The following PDE8B variants were observed in gnomAD, a reference collection of about 807,000 sequenced individuals.
The protein encoded by PDE8B is high affinity cAMP-specific and IBMX-insensitive 3',5'-cyclic phosphodiesterase 8B.
PDE8B carries 26 observed loss-of-function variants against 101.3 expected under a neutral mutation model. That is an observed-to-expected ratio of 0.26 (90% confidence interval 0.19 to 0.36). The LOEUF is 0.36. PDE8B is among the 10% of genes least tolerant of loss of function. The pLI, the probability that PDE8B is intolerant of heterozygous loss-of-function variation, is 1.00. For synonymous variants in PDE8B, 424 were observed against 429.3 expected (o/e 0.99, Z 0.15); for missense variants, 810 against 1,163.1 (o/e 0.70, Z 4.42).
intron 1 of PDE8B, among the ~76,000 whole-genome samples, chr5:77,287,828 G>A (rs1210382321): frequency 6.6e-6 from 1 of 151,934 alleles, no homozygotes; most frequent in Non-Finnish European, 1.5e-5. Context: ...ATGTTTTCTA[G>A]TTCTTTGTCA....
the PDE8B span, among the ~76,000 whole-genome samples, chr5:77,163,217 A>C: frequency 6.6e-6 from 1 of 152,234 alleles, no homozygotes; most frequent in Non-Finnish European, 1.5e-5. Flanking sequence ...ACACAGCAAT[A>C]CAAGATGAGA....
rs150086759 is a variant in PDE8B, at chr5:77,306,511, T to C, written c.340-5483T>C. 2.1e-3 allele frequency among the ~76,000 whole-genome samples: 319 copies of C among 152,242 alleles called. 1 individual carries two copies. The highest frequency in any genetic ancestry group is 3.3e-3 in the Non-Finnish European group (223 of 68,006). On this transcript the variant is annotated intron_variant, in intron 1 of 21. Coordinates refer to ENST00000264917, the MANE Select transcript of PDE8B (RefSeq NM_003719.5). Reference sequence around the variant, plus strand: ...ATCACTGGTTCTTCTTTGGGTGAAGTTGGACTTGAACCATTGTCAGAGGGC... The same window carrying C: ...ATCACTGGTTCTTCTTTGGGTGAAGCTGGACTTGAACCATTGTCAGAGGGC...
chr5:77,125,793 G>A, the PDE8B span, among the ~76,000 whole-genome samples: 2,025 of 152,216 alleles, frequency 0.013, 50 homozygotes, highest in African/African-American at 0.045. Context: ...AGGTTTCCAG[G>A]GTCTGGGGGA....
chr5:77,194,331 A>G, the PDE8B span, among the ~76,000 whole-genome samples: 6 of 152,206 alleles, frequency 3.9e-5, no homozygotes, highest in Non-Finnish European at 7.3e-5. Flanking sequence ...GTAAATAAGA[A>G]GTGAATTGTC....
At chr5:77,257,426 A>G (rs1162359507) in intron 1 of PDE8B, among the ~76,000 whole-genome samples, 3 of 152,204 alleles carry the variant, frequency 2.0e-5, no homozygotes, top group Non-Finnish European at 1.5e-5. Context: ...GGCTATTTTC[A>G]TTAATATTAA....
At chr5:77,272,653 A>G (rs1040251458) in intron 1 of PDE8B, among the ~76,000 whole-genome samples, 86 of 152,188 alleles carry the variant, frequency 5.7e-4, no homozygotes, top group African/African-American at 2.0e-3. Context: ...AGGACTTAGC[A>G]TGGTACCTGG....
intron 10 of PDE8B, among the ~76,000 whole-genome samples, chr5:77,397,949 C>T (rs1791425265): frequency 6.6e-6 from 1 of 151,644 alleles, no homozygotes; most frequent in South Asian, 2.1e-4. Context: ...TGAGATAACA[C>T]AATACAAAAG....
chr5:77,373,870 A>G (rs554207135), intron 10 of PDE8B, among the ~76,000 whole-genome samples: 1 of 152,026 alleles, frequency 6.6e-6, no homozygotes, highest in South Asian at 2.1e-4. Flanking sequence ...TTTTTTTGAG[A>G]CGGAGTTTTG....
chr5:77,119,807 C>T, the PDE8B span, among the ~76,000 whole-genome samples: 38 of 151,996 alleles, frequency 2.5e-4, no homozygotes, highest in Middle Eastern at 6.8e-3. Flanking sequence ...GCCAGGAGTT[C>T]GAGACCAGCC....
the PDE8B span, among the ~76,000 whole-genome samples, chr5:77,184,338 A>G: frequency 6.6e-6 from 1 of 152,188 alleles, no homozygotes; most frequent in African/African-American, 2.4e-5. Flanking sequence ...TTGGGGTCCA[A>G]TTCTTCCACT....
chr5:77,348,612 A>G (rs1780552045), intron 7 of PDE8B, among the ~76,000 whole-genome samples: 1 of 152,326 alleles, frequency 6.6e-6, no homozygotes, highest in East Asian at 1.9e-4. Context: ...ATTGGAAAGG[A>G]GACATGAGAA....
intron 1 of PDE8B, among the ~76,000 whole-genome samples, chr5:77,275,928 A>G (rs561485399): frequency 6.6e-6 from 1 of 152,342 alleles, no homozygotes; most frequent in South Asian, 2.1e-4. Flanking sequence ...ATAAATATCT[A>G]TACTGTTGTG....
chr5:77,372,731 T>A, intron 10 of PDE8B, among the ~76,000 whole-genome samples: 1 of 152,320 alleles, frequency 6.6e-6, no homozygotes, highest in African/African-American at 2.4e-5. Flanking sequence ...CCTCTCATCA[T>A]CCTTTTAATG....
the PDE8B span, among the ~76,000 whole-genome samples, chr5:77,177,005 T>C: frequency 6.6e-6 from 1 of 152,144 alleles, no homozygotes; most frequent in Admixed American, 6.5e-5. Context: ...TTGCTTCAGT[T>C]CCCTTTCCTT....
intron 13 of PDE8B, 39 bp from the exon 14 acceptor site, chr5:77,408,854 C>G (rs752589948): frequency 3.9e-6 from 6 of 1,542,016 alleles, no homozygotes; most frequent in South Asian, 2.2e-5. Context: ...GAAGTAGAAC[C>G]CTATTATCCT....
the PDE8B span, among the ~76,000 whole-genome samples, chr5:77,188,033 A>G: frequency 6.6e-6 from 1 of 152,218 alleles, no homozygotes; most frequent in Non-Finnish European, 1.5e-5. Context: ...TGACTTCTCT[A>G]GGGTTTTAGC....
chr5:77,355,282 C>T (rs1236909204), intron 10 of PDE8B, among the ~76,000 whole-genome samples: 2 of 152,226 alleles, frequency 1.3e-5, no homozygotes, highest in Non-Finnish European at 2.9e-5. Context: ...TACCCTGAGC[C>T]ATTGACGTCA....
intron 17 of PDE8B, among the ~76,000 whole-genome samples, chr5:77,415,329 A>C (rs1444447399): frequency 2.0e-5 from 3 of 146,538 alleles, no homozygotes; most frequent in African/African-American, 7.5e-5. Flanking sequence ...TGTCACCCCT[A>C]ATTTCTTTGT....
At chr5:77,178,829 T>C in the PDE8B span, among the ~76,000 whole-genome samples, 2 of 152,196 alleles carry the variant, frequency 1.3e-5, no homozygotes, top group African/African-American at 4.8e-5. Context: ...AGAATTTACC[T>C]CCTTTCAGTT....
Sources: gnomAD v4.1 joint callset for allele counts (sites outside exome capture counted in the v4.1 genomes callset) on GRCh38, gnomAD v4.1.1 for gene constraint, MANE v1.5 for transcripts, NCBI Gene and HGNC (gene_info 2026-07-23, HGNC 2026-07-21) for gene names.